The following CUX1 variants were observed in gnomAD, a reference collection of about 807,000 sequenced individuals.
CUX1 encodes the protein cut like homeobox 1, also known as protein CASP.
A neutral mutation model predicts 158.8 loss-of-function variants in CUX1; 31 were observed. The observed-to-expected ratio is 0.20, with a 90% CI of 0.15 to 0.26. The LOEUF (loss-of-function observed/expected upper bound fraction) is 0.26, where lower values mean the gene tolerates loss of function less well. Ranked by LOEUF, CUX1 falls within the 10% of genes least tolerant of loss-of-function variation. CUX1 has a pLI of 1.00. For missense variants in CUX1, 1,589 were observed against 2,014.6 expected (o/e 0.79, Z 4.04); for synonymous variants, 879 against 862.1 (o/e 1.02, Z -0.34).
At chr7:102,154,480 GC>G (rs1170740405) in intron 8 of CUX1, 1 of 151,612 alleles carries the variant, frequency 6.6e-6, no homozygotes, top group Non-Finnish European at 1.5e-5. Context: ...AATTAGCTAG[GC>G]ATGGTGACAT....
chr7:101,970,357 G>C (rs1305689525), intron 2 of CUX1, among the ~76,000 whole-genome samples: 4 of 152,028 alleles, frequency 2.6e-5, no homozygotes, highest in Non-Finnish European at 4.4e-5. Context: ...TCCTTAGCTT[G>C]GCCCGGGGGT....
intron 8 of CUX1, among the ~76,000 whole-genome samples, chr7:102,152,715 C>T (rs539634616): frequency 1.3e-5 from 2 of 152,258 alleles, no homozygotes; most frequent in East Asian, 1.9e-4. Flanking sequence ...ATAATCAGAG[C>T]GTTTCCTCGC....
intron 1 of CUX1, among the ~76,000 whole-genome samples, chr7:101,823,950 C>G (rs1202591351): frequency 6.6e-6 from 1 of 152,152 alleles, no homozygotes; most frequent in East Asian, 1.9e-4. Flanking sequence ...AAACAAAATG[C>G]AACACAAAAG....
chr7:102,110,407 T>C (rs1830758138), intron 6 of CUX1, among the ~76,000 whole-genome samples: 1 of 152,208 alleles, frequency 6.6e-6, no homozygotes, highest in Non-Finnish European at 1.5e-5. Flanking sequence ...TATTAATTCA[T>C]ATTATGCTAT....
chr7:102,129,071 G>A (rs1832949373), intron 8 of CUX1, among the ~76,000 whole-genome samples: 1 of 152,090 alleles, frequency 6.6e-6, no homozygotes, highest in South Asian at 2.1e-4. Flanking sequence ...AAGGCACCTG[G>A]CATCACCTGG....
intron 9 of CUX1, among the ~76,000 whole-genome samples, chr7:102,169,403 A>G (rs1296501609): frequency 3.3e-5 from 5 of 152,194 alleles, no homozygotes; most frequent in Non-Finnish European, 7.3e-5. Context: ...TGTTTCTAGC[A>G]GTGGAATGTA....
At chr7:101,843,972 T>C (rs1233203965) in intron 1 of CUX1, among the ~76,000 whole-genome samples, 1 of 152,178 alleles carries the variant, frequency 6.6e-6, no homozygotes, top group Non-Finnish European at 1.5e-5. Flanking sequence ...GTCACACACT[T>C]AGTCTGAGTT....
At chr7:101,843,011 G>A (rs557906707) in intron 1 of CUX1, among the ~76,000 whole-genome samples, 11 of 150,884 alleles carry the variant, frequency 7.3e-5, no homozygotes, top group Admixed American at 3.3e-4. Context: ...GACTACAGGC[G>A]CCCACCACCA....
intron 2 of CUX1, among the ~76,000 whole-genome samples, chr7:102,026,818 T>TAA (rs10533217): frequency 9.8e-4 from 94 of 96,318 alleles, no homozygotes; most frequent in African/African-American, 2.8e-3. Context: ...ACTCCGTCTT[T>TAA]AAAAAAAAAA....
intron 1 of CUX1, among the ~76,000 whole-genome samples, chr7:101,870,246 T>G (rs776345500): frequency 2.7e-5 from 4 of 150,798 alleles, no homozygotes; most frequent in Non-Finnish European, 5.9e-5. Context: ...CTCAACCTTC[T>G]GGGCATAAGC....
intron 1 of CUX1, among the ~76,000 whole-genome samples, chr7:101,821,186 A>G (rs183625883): frequency 1.4e-4 from 21 of 152,306 alleles, no homozygotes; most frequent in African/African-American, 5.1e-4. Flanking sequence ...TTGACTGACC[A>G]GAGCATGTAG....
intron 10 of CUX1, among the ~76,000 whole-genome samples, chr7:102,177,239 C>T (rs890289542): frequency 1.3e-5 from 2 of 151,528 alleles, no homozygotes. Flanking sequence ...CATAGTGAAA[C>T]CCCATCTCTA....
intron 20 of CUX1, among the ~76,000 whole-genome samples, chr7:102,222,824 T>TTTTTTTTTTTTTTTG (rs1797951728): frequency 1.8e-5 from 1 of 56,500 alleles, no homozygotes. Context: ...TTTTTTTTTT[T>TTTTTTTTTTTTTTTG]TTTTTTTTTT....
intron 20 of CUX1, among the ~76,000 whole-genome samples, chr7:102,216,547 C>CTCCCA: frequency 5.0e-5 from 2 of 40,040 alleles, no homozygotes; most frequent in Admixed American, 3.9e-4. Flanking sequence ...CACACACACA[C>CTCCCA]CCACACACGC....
At chr7:102,170,577 C>T (rs1446029004) in intron 10 of CUX1, 27 bp downstream of exon 10, 5 of 1,491,376 alleles carry the variant, frequency 3.4e-6, no homozygotes, top group Middle Eastern at 1.7e-4. Context: ...CCGTGGGGGA[C>T]TGTCCCCGCC....
chr7:102,149,574 T>C (rs1215375663), intron 8 of CUX1, among the ~76,000 whole-genome samples: 1 of 152,198 alleles, frequency 6.6e-6, no homozygotes, highest in African/African-American at 2.4e-5. Context: ...ATGGGCGTTA[T>C]TGGTGGGAGA....
chr7:101,854,498 G>A (rs1197054309), intron 1 of CUX1, among the ~76,000 whole-genome samples: 1 of 152,074 alleles, frequency 6.6e-6, no homozygotes, highest in Non-Finnish European at 1.5e-5. Flanking sequence ...CCTTATCTCT[G>A]GGTGGCGAGA....
chr7:102,204,070 G>A lies in CUX1; in HGVS notation c.2908-321G>A, dbSNP rs554891892. On this transcript the variant is annotated intron_variant, in intron 18 of 23. Transcript: ENST00000292535. The stretch of plus-strand genomic sequence containing the variant: ...CAAGGTGCTTGTACACACCTCCTCC[G>A]CGGGGTGTCAGGGTGACAGCCCTGC... Among the ~76,000 whole-genome samples, 10 of 152,302 alleles carry A rather than the reference G, an allele frequency of 6.6e-5. No homozygotes were observed. The South Asian group carries it at 2.1e-3, about 32-fold the overall frequency.
At chr7:102,194,149 T>C in intron 13 of CUX1, 2 of 529,870 alleles carry the variant, frequency 3.8e-6, no homozygotes, top group Non-Finnish European at 6.7e-6. Flanking sequence ...GCTTCATCCC[T>C]GACTGATAGG....
Sources: allele counts gnomAD v4.1 joint callset (sites outside exome capture counted in the v4.1 genomes callset), GRCh38; gene constraint gnomAD v4.1.1; transcripts MANE v1.5; gene names NCBI Gene and HGNC (gene_info 2026-07-23, HGNC 2026-07-21).